The following CAMTA1 variants were observed in gnomAD, a reference collection of about 807,000 sequenced individuals.
CAMTA1 encodes the protein calmodulin binding transcription activator 1, also known as calmodulin-binding transcription activator 1.
In CAMTA1, 27 loss-of-function variants were observed where a neutral mutation model predicts 170.9. The observed-to-expected ratio is 0.16, with a 90% CI of 0.12 to 0.22. The LOEUF is 0.22. CAMTA1 is among the 10% of genes least tolerant of loss of function. The probability of loss-of-function intolerance (pLI) is 1.00; values close to 1 mark genes in which losing one functional copy is unlikely to be tolerated. For synonymous variants in CAMTA1, 833 were observed against 891.5 expected, an observed-to-expected ratio of 0.93 and a Z score of 1.17; for missense variants, 1,619 against 2,217.2, an observed-to-expected ratio of 0.73 and a Z score of 5.42.
chr1:7,275,687 A>T (rs1670489577), intron 5 of CAMTA1, among the ~76,000 whole-genome samples: 1 of 152,182 alleles, frequency 6.6e-6, no homozygotes, highest in African/African-American at 2.4e-5. Flanking sequence ...AAATTTCTTA[A>T]AAGATAAAAA....
intron 6 of CAMTA1, among the ~76,000 whole-genome samples, chr1:7,512,202 T>C (rs749958): frequency 0.42 from 64,087 of 152,090 alleles, 14,154 homozygotes; most frequent in Non-Finnish European, 0.5. Context: ...GTGTCTGGAA[T>C]ATGCCAAAGA....
At chr1:7,468,114 G>T (rs1249675551) in intron 6 of CAMTA1, among the ~76,000 whole-genome samples, 1 of 152,192 alleles carries the variant, frequency 6.6e-6, no homozygotes, top group Non-Finnish European at 1.5e-5. Context: ...AGGCCTGGTG[G>T]CAGGGGTAGC....
intron 6 of CAMTA1, among the ~76,000 whole-genome samples, chr1:7,480,106 A>AGT (rs1201787898): frequency 5.0e-5 from 4 of 80,210 alleles, no homozygotes; most frequent in African/African-American, 7.3e-5. Flanking sequence ...TGTGTGTGAG[A>AGT]GCGTGTGTGT....
intron 5 of CAMTA1, among the ~76,000 whole-genome samples, chr1:7,352,594 T>C (rs1269406991): frequency 2.0e-5 from 3 of 152,140 alleles, no homozygotes; most frequent in Non-Finnish European, 2.9e-5. Context: ...ATGGGCCCCT[T>C]TCCAGGAAAG....
At position 7,251,056 on chromosome 1, in the gene CAMTA1, G is replaced by A. The variant is rs1363662535; in HGVS notation, c.438+1430G>A. On this transcript the variant is annotated intron_variant, in intron 5 of 22. Transcript: ENST00000303635. This position sits in a 1 kb window ranked among gnomAD's most constrained non-coding sequence, Gnocchi z 5.1. ...TGAGGCAAGGCTGGGTGGGGCCCCC[G>A]AACAACGAGGCTGCTCGCACCGGGA... Among the ~76,000 whole-genome samples the A allele has an allele frequency of 1.3e-5, 2 of 152,160 alleles. No individual in the cohort carries two copies. The highest frequency in any genetic ancestry group is 2.1e-4 in the South Asian group (1 of 4,836).
intron 6 of CAMTA1, among the ~76,000 whole-genome samples, chr1:7,612,213 G>A (rs1206735767): frequency 6.6e-6 from 1 of 152,218 alleles, no homozygotes; most frequent in Non-Finnish European, 1.5e-5. Context: ...GATGGTGAAT[G>A]TGGGGATTTG....
At chr1:7,055,333 C>T (rs1323172497) in intron 3 of CAMTA1, among the ~76,000 whole-genome samples, 2 of 152,150 alleles carry the variant, frequency 1.3e-5, no homozygotes, top group Non-Finnish European at 2.9e-5. Flanking sequence ...CTTCCCTTTA[C>T]AGCAGTGTTG....
chr1:6,842,152 C>G (rs561007489), intron 3 of CAMTA1, among the ~76,000 whole-genome samples: 35 of 152,296 alleles, frequency 2.3e-4, no homozygotes, highest in African/African-American at 8.4e-4. Context: ...TACTTTGTTA[C>G]GTTTTAATAA....
intron 6 of CAMTA1, among the ~76,000 whole-genome samples, chr1:7,503,105 G>A (rs1303191517): frequency 6.6e-6 from 1 of 152,186 alleles, no homozygotes; most frequent in Non-Finnish European, 1.5e-5. Flanking sequence ...TCTGTGGAAT[G>A]GGGGAGCCTG....
At chr1:7,734,838 G>GA (rs965799640) in intron 12 of CAMTA1, among the ~76,000 whole-genome samples, 3 of 150,916 alleles carry the variant, frequency 2.0e-5, no homozygotes, top group African/African-American at 2.4e-5. Context: ...TTTATTGCCA[G>GA]AAAAAAAAAG....
chr1:7,219,542 TAAAAAAAAAAAAAAA>T (rs34288461), intron 4 of CAMTA1: 5 of 65,278 alleles, frequency 7.7e-5, no homozygotes, highest in East Asian at 5.4e-4. Context: ...AATTTTTTCT[TAAAAAAAAAAAAAAA>T]AAAAAAAAAA....
At chr1:7,104,350 CATAA>C (rs1329200927) in intron 4 of CAMTA1, among the ~76,000 whole-genome samples, 3 of 139,706 alleles carry the variant, frequency 2.1e-5, no homozygotes, top group East Asian at 2.0e-4. Context: ...TACACACATG[CATAA>C]ATACTCAATA....
At chr1:6,940,839 G>A (rs978360378) in intron 3 of CAMTA1, among the ~76,000 whole-genome samples, 6 of 137,540 alleles carry the variant, frequency 4.4e-5, no homozygotes, top group African/African-American at 1.6e-4. Context: ...TGCCAAGGCC[G>A]GGCTCAGCAC....
chr1:7,390,086 G>A (rs1378076426), intron 5 of CAMTA1, among the ~76,000 whole-genome samples: 3 of 152,160 alleles, frequency 2.0e-5, no homozygotes, highest in African/African-American at 7.2e-5. Flanking sequence ...CTGGGTGCAG[G>A]AGCCAAGAGC....
chr1:6,966,846 A>G (rs1437088671), intron 3 of CAMTA1, among the ~76,000 whole-genome samples: 2 of 151,752 alleles, frequency 1.3e-5, no homozygotes, highest in Non-Finnish European at 2.9e-5. Context: ...TCCTAAGCTC[A>G]GGCAATCCAT....
intron 4 of CAMTA1, among the ~76,000 whole-genome samples, chr1:7,152,223 C>G (rs1317574388): frequency 6.6e-6 from 1 of 152,170 alleles, no homozygotes; most frequent in Admixed American, 6.5e-5. Flanking sequence ...TGGGAAGAAT[C>G]CTGGGTAAGG....
rs191715822 is a variant in CAMTA1 at position 7,251,262 on chromosome 1, C to G, written c.438+1636C>G. Among the ~76,000 whole-genome samples the G allele has an allele frequency of 1.3e-5, 2 of 152,144 alleles. No individual in the cohort carries two copies. The highest frequency in any genetic ancestry group is 3.8e-4 in the East Asian group (2 of 5,200). ...AGGGGAGAAAACAACCCACAGTGTT[C>G]GTTTTCTTTCCTCATGTTATAAATT... On this transcript the variant is annotated intron_variant, in intron 5 of 22. Transcript: ENST00000303635. The surrounding 1 kb of genome is among the most constrained non-coding windows in gnomAD (Gnocchi z 5.1).
chr1:7,469,472 C>A (rs764573083), intron 6 of CAMTA1, among the ~76,000 whole-genome samples: 6 of 152,228 alleles, frequency 3.9e-5, no homozygotes, highest in Non-Finnish European at 8.8e-5. Context: ...CAAGAAACAC[C>A]ATTTATCCAA....
intron 6 of CAMTA1, among the ~76,000 whole-genome samples, chr1:7,639,207 C>A (rs2095740783): frequency 1.3e-5 from 2 of 151,924 alleles, no homozygotes; most frequent in Non-Finnish European, 2.9e-5. Context: ...TCTCGATCTT[C>A]TGACCTCGTG....
Sources: allele counts gnomAD v4.1 joint callset (sites outside exome capture counted in the v4.1 genomes callset), GRCh38; gene constraint gnomAD v4.1.1; non-coding constraint Gnocchi (gnomAD v3.1); transcripts MANE v1.5; gene names NCBI Gene and HGNC (gene_info 2026-07-23, HGNC 2026-07-21).